Variants in CDKAL1 observed in about 807,000 individuals in gnomAD.
The protein encoded by CDKAL1 is CDKAL1 threonylcarbamoyladenosine tRNA methylthiotransferase.
A neutral mutation model predicts 68.2 loss-of-function variants in CDKAL1; 32 were observed. The observed-to-expected ratio is 0.47, with a 90% CI of 0.35 to 0.63. CDKAL1 has a LOEUF of 0.63. Ranked by LOEUF, CDKAL1 falls within the 30% of genes least tolerant of loss-of-function variation. The probability of loss-of-function intolerance (pLI) is 0.00; values close to 1 mark genes in which losing one functional copy is unlikely to be tolerated. For missense variants in CDKAL1, 606 were observed against 696.7 expected, an observed-to-expected ratio of 0.87 and a Z score of 1.47; for synonymous variants, 234 against 244.3, an observed-to-expected ratio of 0.96 and a Z score of 0.39.
At chr6:21,096,754 T>G (rs1356686437) in intron 12 of CDKAL1, among the ~76,000 whole-genome samples, 2 of 152,162 alleles carry the variant, frequency 1.3e-5, no homozygotes, top group African/African-American at 4.8e-5. Context: ...TTTAAAAAAT[T>G]TATAACATAG....
chr6:21,032,107 G>T (rs761516206), intron 11 of CDKAL1, among the ~76,000 whole-genome samples: 7 of 151,992 alleles, frequency 4.6e-5, no homozygotes, highest in Non-Finnish European at 7.4e-5. Context: ...ATGGATCTTT[G>T]GCTCACTCCA....
At chr6:20,652,229 A>AT (rs1316799456) in intron 5 of CDKAL1, among the ~76,000 whole-genome samples, 1 of 152,034 alleles carries the variant, frequency 6.6e-6, no homozygotes, top group Non-Finnish European at 1.5e-5. Flanking sequence ...CTAATAGGTG[A>AT]TTTTTGAGTA....
At chr6:21,123,410 C>T (rs370433178) in intron 13 of CDKAL1, among the ~76,000 whole-genome samples, 3 of 152,094 alleles carry the variant, frequency 2.0e-5, no homozygotes, top group Non-Finnish European at 2.9e-5. Flanking sequence ...AAGCCAAGAA[C>T]GCAGCACTGC....
intron 4 of CDKAL1, among the ~76,000 whole-genome samples, chr6:20,584,887 G>GGCCAGCTCCGTTACTTGTATA (rs1765280990): frequency 6.6e-6 from 1 of 152,058 alleles, no homozygotes; most frequent in South Asian, 2.1e-4. Flanking sequence ...TTGATAACGT[G>GGCCAGCTCCGTTACTTGTATA]CTCTCATCTG....
intron 11 of CDKAL1, among the ~76,000 whole-genome samples, chr6:21,058,994 A>C (rs1236774128): frequency 6.6e-6 from 1 of 152,200 alleles, no homozygotes; most frequent in East Asian, 1.9e-4. Context: ...CCAGCCTCTA[A>C]ATAGCCAGCA....
chr6:20,867,037 A>G (rs1339216148), intron 9 of CDKAL1, among the ~76,000 whole-genome samples: 1 of 152,152 alleles, frequency 6.6e-6, no homozygotes, highest in Admixed American at 6.5e-5. Flanking sequence ...GTTTTTAACT[A>G]TTTCTTCATA....
intron 13 of CDKAL1, among the ~76,000 whole-genome samples, chr6:21,161,738 A>T (rs1776934372): frequency 1.3e-5 from 2 of 152,296 alleles, no homozygotes; most frequent in East Asian, 1.9e-4. Context: ...GGCTTCTTTT[A>T]TGGGCTTGGA....
chr6:21,070,595 C>T (rs995058496), intron 12 of CDKAL1, among the ~76,000 whole-genome samples: 70 of 151,834 alleles, frequency 4.6e-4, no homozygotes, highest in Non-Finnish European at 1.5e-4. Flanking sequence ...GCCCTGTGTC[C>T]TCATTTTTTT....
intron 10 of CDKAL1, among the ~76,000 whole-genome samples, chr6:20,988,935 G>C (rs1766640852): frequency 1.3e-5 from 2 of 151,444 alleles, no homozygotes; most frequent in South Asian, 2.1e-4. Flanking sequence ...TGGGATTACA[G>C]GTACGAGCCA....
At chr6:20,928,041 T>C (rs1357023572) in intron 9 of CDKAL1, among the ~76,000 whole-genome samples, 1 of 152,220 alleles carries the variant, frequency 6.6e-6, no homozygotes, top group Admixed American at 6.5e-5. Flanking sequence ...AAATCTTATG[T>C]AGCTTTAACC....
chr6:20,817,061 C>T (rs1042854089), intron 8 of CDKAL1, among the ~76,000 whole-genome samples: 3 of 152,044 alleles, frequency 2.0e-5, no homozygotes, highest in African/African-American at 7.2e-5. Context: ...TTCTTTAACT[C>T]CTGTAATGCT....
At chr6:20,676,665 T>TTAAATAAATAAATAAA (rs146546357) in intron 5 of CDKAL1, among the ~76,000 whole-genome samples, 13 of 132,864 alleles carry the variant, frequency 9.8e-5, no homozygotes, top group South Asian at 2.3e-4. Flanking sequence ...AGACTCTGTC[T>TTAAATAAATAAATAAA]TAAATAAATA....
intron 12 of CDKAL1, among the ~76,000 whole-genome samples, chr6:21,077,241 A>C (rs536380166): frequency 6.6e-6 from 1 of 152,204 alleles, no homozygotes; most frequent in East Asian, 1.9e-4. Context: ...GAATCTAATG[A>C]CTTTTTGTTT....
chr6:21,091,929 C>G (rs1292002732), intron 12 of CDKAL1, among the ~76,000 whole-genome samples: 1 of 121,440 alleles, frequency 8.2e-6, no homozygotes, highest in African/African-American at 3.3e-5. Context: ...CTGTGTCGCC[C>G]AGGCTGGAGT....
chr6:21,225,149 C>A (rs1262516356), intron 15 of CDKAL1, among the ~76,000 whole-genome samples: 1 of 152,072 alleles, frequency 6.6e-6, no homozygotes, highest in South Asian at 2.1e-4. Context: ...TGTTGACACG[C>A]GCCATGAGGA....
At chr6:20,996,508 AG>A (rs1186817608) in intron 10 of CDKAL1, among the ~76,000 whole-genome samples, 1 of 152,150 alleles carries the variant, frequency 6.6e-6, no homozygotes, top group Non-Finnish European at 1.5e-5. Flanking sequence ...CTCAGAGGAT[AG>A]GGAGGCCCAA....
intron 7 of CDKAL1, 31 bp from the exon 8 acceptor site, chr6:20,781,114 G>C (rs376918038): frequency 4.1e-5 from 65 of 1,601,910 alleles, no homozygotes; most frequent in Non-Finnish European, 4.8e-5. Flanking sequence ...TGTAACTCTT[G>C]CTAATGTATA....
At chr6:20,881,959 C>T (rs1052169207) in intron 9 of CDKAL1, among the ~76,000 whole-genome samples, 6 of 152,222 alleles carry the variant, frequency 3.9e-5, no homozygotes, top group African/African-American at 1.4e-4. Flanking sequence ...CAAGTACTGG[C>T]AACCACAAAT....
At chr6:21,170,743 T>C (rs887180068) in intron 13 of CDKAL1, among the ~76,000 whole-genome samples, 1 of 152,184 alleles carries the variant, frequency 6.6e-6, no homozygotes, top group Admixed American at 6.5e-5. Flanking sequence ...GATATTTTCA[T>C]GTTGAAGGTA....
Sources: allele counts gnomAD v4.1 joint callset (sites outside exome capture counted in the v4.1 genomes callset), GRCh38; gene constraint gnomAD v4.1.1; transcripts MANE v1.5; gene names NCBI Gene and HGNC (gene_info 2026-07-23, HGNC 2026-07-21).